STXBP5L: variants seen among roughly 807,000 people sequenced by gnomAD.
The protein encoded by STXBP5L is syntaxin-binding protein 5-like.
A neutral mutation model predicts 144.5 loss-of-function variants in STXBP5L; 65 were observed. That is an observed-to-expected ratio of 0.45 (90% CI 0.37 to 0.55). The LOEUF (loss-of-function observed/expected upper bound fraction) is 0.55, where lower values mean the gene tolerates loss of function less well. Among genes scored for constraint, STXBP5L ranks in the 20% least tolerant of loss-of-function variants. The pLI, the probability that STXBP5L is intolerant of heterozygous loss-of-function variation, is 0.00. For missense variants in STXBP5L, 1,298 were observed against 1,405.5 expected, an observed-to-expected ratio of 0.92 and a Z score of 1.22; for synonymous variants, 505 against 469.6, an observed-to-expected ratio of 1.08 and a Z score of -0.97.
chr3:121,024,233 A>G (rs1945768943), intron 3 of STXBP5L, among the ~76,000 whole-genome samples: 2 of 152,174 alleles, frequency 1.3e-5, no homozygotes, highest in South Asian at 4.1e-4. Context: ...ATAAGAAAAC[A>G]ACCTAATTTA....
Position 121,407,272 on chromosome 3 carries a change from C to T in STXBP5L, c.2617C>T (p.Leu873=). Residue 873 remains leucine, a synonymous_variant, in exon 23 of 27, where the codon CTA becomes TTA. Transcript: ENST00000471454. Reference sequence around the variant, plus strand: ...ATTCCTCTCATTGAAAGGAGCTGTGCTAACATTCTCCTGTATGGACCGAAT... The same window carrying T: ...ATTCCTCTCATTGAAAGGAGCTGTGTTAACATTCTCCTGTATGGACCGAAT... ...GTFLSLKGAV[L]TFSCMDRMGG... is the part of the protein sequence containing the mutation. The T allele has an allele frequency of 6.3e-7, 1 of 1,592,518 alleles. No homozygotes were observed.
chr3:121,406,712 TTTC>T (rs1220209382), intron 22 of STXBP5L, among the ~76,000 whole-genome samples: 4 of 152,188 alleles, frequency 2.6e-5, no homozygotes, highest in African/African-American at 7.2e-5. Context: ...GATATTGAAA[TTTC>T]TTCTTGTTTG....
rs189238772 is a variant in STXBP5L at position 121,187,692 on chromosome 3, T to A, written c.878-18231T>A. Among the ~76,000 whole-genome samples, 147 of 151,316 alleles carry A rather than the reference T, an allele frequency of 9.7e-4. 1 individual carries two copies. The highest frequency in any genetic ancestry group is 3.2e-3 in the African/African-American group (131 of 41,224). On this transcript the variant is annotated intron_variant, in intron 9 of 26. Transcript: ENST00000471454. Reference sequence around the variant, plus strand: ...ACATGATCAAATTCACACATAACAATGTTAACCTTAAATGTAAATGGGCTA... The same window carrying A: ...ACATGATCAAATTCACACATAACAAAGTTAACCTTAAATGTAAATGGGCTA...
chr3:121,328,097 G>T (rs750653215), intron 20 of STXBP5L, among the ~76,000 whole-genome samples: 2 of 152,134 alleles, frequency 1.3e-5, no homozygotes, highest in Admixed American at 6.5e-5. Context: ...ATATACAATT[G>T]AAGGCTTTAT....
intron 3 of STXBP5L, among the ~76,000 whole-genome samples, chr3:121,012,302 G>A (rs572983973): frequency 1.3e-5 from 2 of 151,736 alleles, no homozygotes; most frequent in East Asian, 3.9e-4. Context: ...GTGTGCATAT[G>A]TTTTCATTTG....
intron 5 of STXBP5L, among the ~76,000 whole-genome samples, chr3:121,092,270 A>T (rs2042850913): frequency 6.6e-6 from 1 of 151,844 alleles, no homozygotes; most frequent in South Asian, 2.1e-4. Flanking sequence ...TCTTGGTTCC[A>T]TATGAACTTT....
At chr3:120,940,399 G>A (rs1176081136) in intron 2 of STXBP5L, among the ~76,000 whole-genome samples, 1 of 151,942 alleles carries the variant, frequency 6.6e-6, no homozygotes, top group Non-Finnish European at 1.5e-5. Flanking sequence ...TACCAAATTT[G>A]AGTTCTTAAG....
At chr3:121,392,395 C>G (rs2046611420) in intron 22 of STXBP5L, among the ~76,000 whole-genome samples, 2 of 152,144 alleles carry the variant, frequency 1.3e-5, no homozygotes, top group Non-Finnish European at 2.9e-5. Flanking sequence ...TCAGCTCACT[C>G]TCCGTGGGCT....
chr3:120,938,866 G>C (rs923959254), intron 2 of STXBP5L, among the ~76,000 whole-genome samples: 1 of 151,972 alleles, frequency 6.6e-6, no homozygotes, highest in Non-Finnish European at 1.5e-5. Flanking sequence ...CTGCAGTGTC[G>C]AACTCCTGGG....
At chr3:121,401,084 G>C (rs1171652820) in intron 22 of STXBP5L, among the ~76,000 whole-genome samples, 1 of 151,958 alleles carries the variant, frequency 6.6e-6, no homozygotes, top group Non-Finnish European at 1.5e-5. Context: ...ATTAACATAT[G>C]ACAGAATAAA....
intron 3 of STXBP5L, among the ~76,000 whole-genome samples, chr3:120,992,047 G>C (rs976684496): frequency 2.4e-4 from 37 of 151,842 alleles, no homozygotes; most frequent in African/African-American, 8.9e-4. Flanking sequence ...GCTTTAAATT[G>C]ACCTATGTCA....
chr3:120,997,904 C>T (rs1287506944), intron 3 of STXBP5L, among the ~76,000 whole-genome samples: 1 of 152,110 alleles, frequency 6.6e-6, no homozygotes, highest in South Asian at 2.1e-4. Context: ...ACACTTTATA[C>T]CTAGAATGCA....
intron 11 of STXBP5L, among the ~76,000 whole-genome samples, chr3:121,226,648 T>A (rs968759938): frequency 6.6e-6 from 1 of 152,176 alleles, no homozygotes; most frequent in African/African-American, 2.4e-5. Flanking sequence ...GATTTAGTTA[T>A]AACCAAATGT....
intron 5 of STXBP5L, among the ~76,000 whole-genome samples, chr3:121,080,610 G>T (rs1353033970): frequency 2.0e-5 from 3 of 152,118 alleles, no homozygotes; most frequent in African/African-American, 4.8e-5. Flanking sequence ...CAAATTCCTG[G>T]CTGACAATTA....
intron 22 of STXBP5L, among the ~76,000 whole-genome samples, chr3:121,394,713 T>A (rs1023864335): frequency 2.6e-4 from 39 of 148,462 alleles, no homozygotes; most frequent in African/African-American, 8.6e-4. Context: ...CAGGCCATTC[T>A]CCTGCCTCAG....
At chr3:121,400,850 A>G (rs1005824106) in intron 22 of STXBP5L, among the ~76,000 whole-genome samples, 1 of 152,200 alleles carries the variant, frequency 6.6e-6, no homozygotes, top group Non-Finnish European at 1.5e-5. Context: ...TTTTTGCTAC[A>G]GTTCAAAATA....
intron 2 of STXBP5L, among the ~76,000 whole-genome samples, chr3:120,946,893 A>G (rs963222748): frequency 3.3e-5 from 5 of 151,778 alleles, no homozygotes; most frequent in African/African-American, 7.2e-5. Context: ...CTCTTGCAAT[A>G]TCAGCACTGA....
chr3:120,985,639 T>A (rs1559955635), intron 3 of STXBP5L, among the ~76,000 whole-genome samples: 1 of 152,050 alleles, frequency 6.6e-6, no homozygotes, highest in Non-Finnish European at 1.5e-5. Flanking sequence ...TTCTCTGTGG[T>A]TAGTGTTGGT....
chr3:121,008,417 T>A (rs943349653), intron 3 of STXBP5L, among the ~76,000 whole-genome samples: 6 of 151,996 alleles, frequency 3.9e-5, no homozygotes, highest in African/African-American at 7.2e-5. Flanking sequence ...GTGACTAAAT[T>A]TATATAGACA....
Sources: allele counts gnomAD v4.1 joint callset (sites outside exome capture counted in the v4.1 genomes callset), GRCh38; gene constraint gnomAD v4.1.1; transcripts MANE v1.5; gene names NCBI Gene and HGNC (gene_info 2026-07-23, HGNC 2026-07-21).